ANKFN1: variants seen among roughly 807,000 people sequenced by gnomAD.
The protein encoded by ANKFN1 is ankyrin repeat and fibronectin type III domain containing 1.
In ANKFN1, 74 loss-of-function variants were observed where a neutral mutation model predicts 108.7. The ratio of observed to expected loss-of-function variants is 0.68; its 90% CI spans 0.56 to 0.83. The LOEUF (loss-of-function observed/expected upper bound fraction) is 0.83, where lower values mean the gene tolerates loss of function less well. Among genes scored for constraint, ANKFN1 ranks in the 40% least tolerant of loss-of-function variants. The pLI is 0.00. For missense variants in ANKFN1, 1,505 were observed against 1,382.3 expected (o/e 1.09, Z -1.41); for synonymous variants, 547 against 516.2 (o/e 1.06, Z -0.81).
chr17:56,250,305 G>A (rs1358214545), intron 3 of ANKFN1, among the ~76,000 whole-genome samples: 1 of 152,120 alleles, frequency 6.6e-6, no homozygotes, highest in Admixed American at 6.5e-5. Flanking sequence ...CATCTTACAT[G>A]AGCACTACAA....
intron 1 of ANKFN1, among the ~76,000 whole-genome samples, chr17:56,201,353 C>T (rs1251531745): frequency 3.3e-5 from 5 of 152,200 alleles, no homozygotes; most frequent in Admixed American, 1.3e-4. Flanking sequence ...TTTGTTTGAG[C>T]GCTCCTTTCT....
chr17:56,098,436 ACACG>A lies in ANKFN1; in HGVS notation c.288+52113_288+52116del, dbSNP rs755046217. Among the ~76,000 whole-genome samples, 222 of 151,152 alleles carry A rather than the reference ACACG, an allele frequency of 1.5e-3. 2 individuals are homozygous for A. The highest frequency in any genetic ancestry group is 5.2e-3 in the African/African-American group (213 of 40,738). On this transcript the variant is annotated intron_variant, in intron 4 of 12. Coordinates refer to the ANKFN1 transcript ENST00000635860. ...CACACAAACACACACACACACACAC[ACACG>A]CGCGCGCACATACTCTATCCCCATT...
chr17:56,285,867 TG>T (rs1756740887), intron 3 of ANKFN1, among the ~76,000 whole-genome samples: 1 of 145,480 alleles, frequency 6.9e-6, no homozygotes, highest in Non-Finnish European at 1.5e-5. Flanking sequence ...ATGATGATGA[TG>T]ATGATCACCT....
In ANKFN1 at chr17:56,456,850, A is replaced by G. The variant is rs1451644856; in HGVS notation, c.1208-11A>G. 1 of 1,611,832 alleles carries G rather than the reference A, an allele frequency of 6.2e-7. No individual in the cohort carries two copies. Among genetic ancestry groups the G allele is most frequent in the African/African-American group, 1.3e-5 (1 of 74,966 alleles). ...TGGAATTTATACTGTATTTTTTAAA[A>G]TACATTCCAGAAAGCACAAAATTAC... On this transcript the variant is annotated splice_polypyrimidine_tract_variant and intron_variant, in intron 11 of 20. Transcript: ENST00000682825.
intron 3 of ANKFN1, among the ~76,000 whole-genome samples, chr17:56,320,711 A>G (rs899397640): frequency 1.3e-5 from 2 of 152,144 alleles, no homozygotes; most frequent in Non-Finnish European, 2.9e-5. Context: ...GCCCGGTGAG[A>G]GGCTGCTGAG....
At chr17:56,380,998 G>C (rs111359601) in intron 8 of ANKFN1, among the ~76,000 whole-genome samples, 2,432 of 152,296 alleles carry the variant, frequency 0.016, 61 homozygotes, top group African/African-American at 0.056. Context: ...GTGGGTCCCT[G>C]ACCCCTGACC....
intron 4 of ANKFN1, among the ~76,000 whole-genome samples, chr17:56,146,949 C>T (rs1374810676): frequency 1.3e-5 from 2 of 152,146 alleles, no homozygotes; most frequent in Non-Finnish European, 2.9e-5. Context: ...ATGTCTGCTT[C>T]CTCTTGAGTG....
intron 1 of ANKFN1, among the ~76,000 whole-genome samples, chr17:56,196,000 G>A (rs1055074742): frequency 2.0e-5 from 3 of 152,158 alleles, no homozygotes; most frequent in Non-Finnish European, 4.4e-5. Flanking sequence ...CATTCAAAAT[G>A]TGAAGTTATG....
intron 2 of ANKFN1, among the ~76,000 whole-genome samples, chr17:56,223,136 T>A (rs1916003877): frequency 6.6e-6 from 1 of 152,184 alleles, no homozygotes; most frequent in Non-Finnish European, 1.5e-5. Context: ...GTTTTTGTTA[T>A]AAAAATTTTC....
chr17:56,156,625 T>C (rs1909146925), intron 1 of ANKFN1: 1 of 152,144 alleles, frequency 6.6e-6, no homozygotes, highest in Non-Finnish European at 1.5e-5. Flanking sequence ...TTTGGGAACG[T>C]GGGAGGTGGA....
intron 14 of ANKFN1, among the ~76,000 whole-genome samples, chr17:56,459,259 C>G (rs980030004): frequency 1.3e-5 from 2 of 152,076 alleles, no homozygotes; most frequent in African/African-American, 4.8e-5. Flanking sequence ...CACAGGCACC[C>G]ACTACCACAC....
intron 18 of ANKFN1, among the ~76,000 whole-genome samples, chr17:56,488,284 A>G (rs951223895): frequency 6.6e-6 from 1 of 152,160 alleles, no homozygotes; most frequent in African/African-American, 2.4e-5. Context: ...GTGGGGGTAT[A>G]GAAGAGAGAG....
chr17:56,304,106 C>A (rs1375930221), intron 3 of ANKFN1, among the ~76,000 whole-genome samples: 1 of 152,098 alleles, frequency 6.6e-6, no homozygotes, highest in East Asian at 1.9e-4. Flanking sequence ...ACATTCCCAT[C>A]ACAACAAAAA....
At chr17:56,390,358 C>G (rs947055024) in intron 8 of ANKFN1, among the ~76,000 whole-genome samples, 2 of 152,126 alleles carry the variant, frequency 1.3e-5, no homozygotes, top group African/African-American at 4.8e-5. Flanking sequence ...TCACCCATGT[C>G]CCTGAAAAGG....
chr17:56,329,551 T>G (rs2045607689), intron 4 of ANKFN1, among the ~76,000 whole-genome samples: 2 of 152,128 alleles, frequency 1.3e-5, no homozygotes, highest in Admixed American at 1.3e-4. Flanking sequence ...AGAAAAGTGT[T>G]TAGAGGTTAA....
intron 8 of ANKFN1, among the ~76,000 whole-genome samples, chr17:56,417,326 C>A (rs1338000074): frequency 2.0e-5 from 3 of 152,118 alleles, no homozygotes; most frequent in Non-Finnish European, 4.4e-5. Flanking sequence ...ATCTCTTGTA[C>A]TCCATTAATA....
chr17:56,476,816 T>G (rs1370710483), intron 15 of ANKFN1, among the ~76,000 whole-genome samples: 1 of 152,230 alleles, frequency 6.6e-6, no homozygotes, highest in East Asian at 1.9e-4. Context: ...ATATAAGTAG[T>G]ATCATTTTAG....
intron 3 of ANKFN1, among the ~76,000 whole-genome samples, chr17:56,229,416 T>C (rs534650790): frequency 5.3e-4 from 80 of 152,174 alleles, no homozygotes; most frequent in Non-Finnish European, 9.9e-4. Context: ...ATGTTTACTT[T>C]CTTGCATATT....
At chr17:56,301,017 A>G (rs1433029343) in intron 3 of ANKFN1, among the ~76,000 whole-genome samples, 1 of 152,238 alleles carries the variant, frequency 6.6e-6, no homozygotes, top group Non-Finnish European at 1.5e-5. Flanking sequence ...CCCTAGAGAG[A>G]AAACACAGAA....
Sources: allele counts gnomAD v4.1 joint callset (sites outside exome capture counted in the v4.1 genomes callset), GRCh38; gene constraint gnomAD v4.1.1; transcripts MANE v1.5; gene names NCBI Gene and HGNC (gene_info 2026-07-23, HGNC 2026-07-21).